HACD4: variants seen among roughly 807,000 people sequenced by gnomAD.
HACD4 encodes the protein 3-hydroxyacyl-CoA dehydratase 4.
Under a neutral mutation model 33.3 loss-of-function variants are expected in HACD4, and 35 were observed. The ratio of observed to expected loss-of-function variants is 1.05; its 90% confidence interval spans 0.80 to 1.39. The LOEUF (loss-of-function observed/expected upper bound fraction) is 1.39. Among genes scored for constraint, HACD4 ranks in the 40% most tolerant of loss-of-function variants. The pLI is 0.00. For missense variants in HACD4, 323 were observed against 276.5 expected (o/e 1.17, Z -1.19); for synonymous variants, 118 against 98.0 (o/e 1.20, Z -1.21).
chr9:21,031,593 G>A lies in HACD4; in HGVS notation c.-3C>T. The A allele has an allele frequency of 2.1e-6, 3 of 1,431,098 alleles. No individual in the cohort carries two copies. Among genetic ancestry groups the A allele is most frequent in the South Asian group, 1.4e-5 (1 of 70,956 alleles). The allele number at this position is 1,431,098 out of a possible 1,614,324, so 88.6% of individuals were successfully genotyped here. A position where few individuals can be genotyped will look rare whatever the true frequency, so the allele number is the denominator to read the frequency against. On this transcript the variant is annotated 5_prime_UTR_variant, in exon 1 of 7. Transcript: ENST00000495827. Reference sequence around the variant, plus strand: ...GCGGGCAGCGCCAAGGGCCCCATGGGCCGCCGCCGCCAGGGCTTCCAGCGC... The same window carrying A: ...GCGGGCAGCGCCAAGGGCCCCATGGACCGCCGCCGCCAGGGCTTCCAGCGC...
intron 3 of HACD4, among the ~76,000 whole-genome samples, chr9:21,023,314 A>G (rs1378425782): frequency 6.6e-6 from 1 of 152,092 alleles, no homozygotes; most frequent in African/African-American, 2.4e-5. Context: ...ACATGTATAC[A>G]TATGTAACAA....
At chr9:21,022,931 C>T (rs552841343) in intron 3 of HACD4, among the ~76,000 whole-genome samples, 89 of 151,982 alleles carry the variant, frequency 5.9e-4, no homozygotes, top group Non-Finnish European at 1.1e-3. Flanking sequence ...ATGTTTATTG[C>T]GGCACTATTC....
Position 21,008,094 on chromosome 9 carries a change from G to A in HACD4, c.543C>T (p.Ser181=). The change falls in exon 6 of 7, where the codon TCC becomes TCT. Residue 181 remains serine, a synonymous_variant. Transcript: ENST00000495827. ...TGGATAAGTCAAAGGGCAGCTTGGT[G>A]GAATAAGTGCCAAATGATTCAAAAT... ...LPYFESFGTY[S]TKLPFDLSIY... is the part of the protein sequence containing the mutation. 1 of 1,610,940 alleles carries A rather than the reference G, an allele frequency of 6.2e-7. No homozygotes were observed. Among genetic ancestry groups the A allele is most frequent in the Non-Finnish European group, 8.5e-7 (1 of 1,178,270 alleles).
rs183738793 is a variant in HACD4 at position 21,030,182 on chromosome 9, T to C, written c.39-784A>G. On this transcript the variant is annotated intron_variant, in intron 1 of 6. Coordinates refer to ENST00000495827, the MANE Select transcript of HACD4 (RefSeq NM_001010915.5). Reference sequence around the variant, plus strand: ...CAGGCTGGGCGCGGTGGCTCAGGCATGTAATCCCAGCACTTTGGGAGGCCA... The same window carrying C: ...CAGGCTGGGCGCGGTGGCTCAGGCACGTAATCCCAGCACTTTGGGAGGCCA... Among the ~76,000 whole-genome samples the C allele has an allele frequency of 6.1e-3, 929 of 151,086 alleles. 15 individuals are homozygous for C. The highest frequency in any genetic ancestry group is 0.022 in the African/African-American group (894 of 41,100).
chr9:21,026,321 A>T (rs1025650431), intron 3 of HACD4, among the ~76,000 whole-genome samples: 6 of 152,234 alleles, frequency 3.9e-5, no homozygotes, highest in Non-Finnish European at 7.3e-5. Context: ...AGGCAGTGAC[A>T]CAGTGAGGGT....
At position 21,021,031 on chromosome 9, in the gene HACD4, C is replaced by T. The variant is rs373001500; in HGVS notation, c.271-5021G>A. On this transcript the variant is annotated intron_variant, in intron 3 of 6. Transcript: ENST00000495827. ...AGCACATCAAAAAGCTTATCCACCA[C>T]GATCAAGTTGGCTTCATCCCTGGGA... is the stretch of plus-strand genomic sequence containing the variant. Among the ~76,000 whole-genome samples, 6 of 152,246 alleles carry T rather than the reference C, an allele frequency of 3.9e-5. No individual in the cohort carries two copies. In the East Asian group the frequency reaches 7.7e-4, roughly 20 times the overall value.
intron 1 of HACD4, 54 bp downstream of exon 1, chr9:21,031,499 C>T: frequency 6.9e-7 from 1 of 1,445,956 alleles, no homozygotes; most frequent in Non-Finnish European, 9.0e-7. Context: ...GAGCTCCCGC[C>T]TCCAGGCCCT....
At chr9:21,030,653 A>G (rs955881849) in intron 1 of HACD4, among the ~76,000 whole-genome samples, 6 of 152,174 alleles carry the variant, frequency 3.9e-5, no homozygotes, top group African/African-American at 1.4e-4. Context: ...TTTTGAACAC[A>G]TTATGTGATT....
rs772678466 is a variant in HACD4 at position 21,029,365 on chromosome 9, G to C, written c.72C>G (p.Tyr24Ter). 6.3e-7 allele frequency: 1 copy of C among 1,595,268 alleles called. No individual in the cohort carries two copies. Among genetic ancestry groups the C allele is most frequent in the South Asian group, 1.1e-5 (1 of 89,712 alleles). ...YRKNAYLFIY[Y>*]LIQFCGHSWI... ...AAGAGTGGCCACAGAACTGGATTAAGTAATAGATGAAAAGATACGCATTCT... is the reference window on the plus strand; with the variant it reads ...AAGAGTGGCCACAGAACTGGATTAACTAATAGATGAAAAGATACGCATTCT... Residue 24 changes from tyrosine (Y) to a stop codon, truncating the protein, a stop_gained, in exon 2 of 7, where the codon TAC becomes TAG. Coordinates refer to ENST00000495827, the MANE Select transcript of HACD4 (RefSeq NM_001010915.5). LOFTEE classifies it high-confidence loss of function.
chr9:21,007,289 G>C (rs1842294209), intron 6 of HACD4, among the ~76,000 whole-genome samples, 170 bp from the exon 7 acceptor site: 1 of 152,174 alleles, frequency 6.6e-6, no homozygotes, highest in Admixed American at 6.6e-5. Flanking sequence ...TGCAGAAAGA[G>C]AGGTAAATCA....
At chr9:21,023,539 T>TC in intron 3 of HACD4, among the ~76,000 whole-genome samples, 1 of 151,098 alleles carries the variant, frequency 6.6e-6, no homozygotes, top group South Asian at 2.1e-4. Flanking sequence ...GAGGACCAGT[T>TC]CCCCCCAAGA....
intron 5 of HACD4, among the ~76,000 whole-genome samples, chr9:21,009,191 C>T (rs562970813): frequency 5.9e-5 from 9 of 152,178 alleles, no homozygotes; most frequent in South Asian, 2.1e-4. Flanking sequence ...TATTTAACTG[C>T]GCAGTTTTAT....
intron 1 of HACD4, among the ~76,000 whole-genome samples, chr9:21,031,141 G>A (rs1194060218): frequency 2.0e-5 from 3 of 152,116 alleles, no homozygotes; most frequent in Non-Finnish European, 4.4e-5. Context: ...CTATATGACT[G>A]AATCTGTTCC....
At chr9:21,025,049 G>T (rs1204128493) in intron 3 of HACD4, among the ~76,000 whole-genome samples, 3 of 152,130 alleles carry the variant, frequency 2.0e-5, no homozygotes, top group Non-Finnish European at 4.4e-5. Context: ...CTATGTTGCT[G>T]TTGGGACAGA....
rs1842316001 is a variant in HACD4 at position 21,008,103 on chromosome 9, G to T, written c.534C>A (p.Gly178=). 6 of 1,610,118 alleles carry T rather than the reference G, an allele frequency of 3.7e-6. No homozygotes were observed. The highest frequency in any genetic ancestry group is 5.1e-6 in the Non-Finnish European group (6 of 1,178,074). The change falls in exon 6 of 7, where the codon GGC becomes GGA. Residue 178 remains glycine (G), a synonymous_variant. Transcript: ENST00000495827. ...YQSLPYFESF[G]TYSTKLPFDL... is the part of the protein sequence containing the mutation. ...CAAAGGGCAGCTTGGTGGAATAAGT[G>T]CCAAATGATTCAAAATAAGGCAGCG...
chr9:21,012,702 G>C (rs890208662), intron 4 of HACD4, among the ~76,000 whole-genome samples: 44 of 152,256 alleles, frequency 2.9e-4, no homozygotes, highest in African/African-American at 9.9e-4. Context: ...ACCAATCAAA[G>C]TGAAAAATGG....
At position 21,000,957 on chromosome 9, in the gene HACD4, A is replaced by G. The variant is rs1242762325; in HGVS notation, c.*6080T>C. 6.6e-6 allele frequency: 1 copy of G among 152,106 alleles called. No homozygotes were observed. The highest frequency in any genetic ancestry group is 1.5e-5 in the Non-Finnish European group (1 of 67,994). 9.4% of individuals were successfully genotyped at this position (152,106 alleles called of 1,614,324 possible). ...GCAGGCAAAGTAAGGAATAGTTTAA[A>G]AAAAAACATTAACTTAGGGACCTTA... On this transcript the variant is annotated 3_prime_UTR_variant, in exon 7 of 7. Transcript: ENST00000495827.
At chr9:21,014,483 C>T (rs1857648) in intron 4 of HACD4, among the ~76,000 whole-genome samples, 1 of 151,916 alleles carries the variant, frequency 6.6e-6, no homozygotes, top group Non-Finnish European at 1.5e-5. Flanking sequence ...TATTGGATGA[C>T]TCCATTTATA....
rs7018472 is a variant in HACD4 at position 21,021,273 on chromosome 9, T to C, written c.271-5263A>G. On this transcript the variant is annotated intron_variant, in intron 3 of 6. Coordinates refer to ENST00000495827, the MANE Select transcript of HACD4 (RefSeq NM_001010915.5). ...TATGACAAACCGACAGCCAATATCA[T>C]ACTGAATTGGCAAAAACTGGAAGCA... Among the ~76,000 whole-genome samples, 639 of 152,274 alleles carry C rather than the reference T, an allele frequency of 4.2e-3. 3 individuals are homozygous for C. The highest frequency in any genetic ancestry group is 0.015 in the African/African-American group (615 of 41,536).
Sources: allele counts gnomAD v4.1 joint callset (sites outside exome capture counted in the v4.1 genomes callset), GRCh38; gene constraint gnomAD v4.1.1; transcripts MANE v1.5; gene names NCBI Gene and HGNC (gene_info 2026-07-23, HGNC 2026-07-21).